LRBA: variants seen among roughly 807,000 people sequenced by gnomAD.
LRBA encodes LPS responsive beige-like anchor protein, also known as lipopolysaccharide-responsive and beige-like anchor protein.
Under a neutral mutation model 330.0 loss-of-function variants are expected in LRBA, and 176 were observed. The ratio of observed to expected loss-of-function variants is 0.53; its 90% CI spans 0.47 to 0.60. The LOEUF (loss-of-function observed/expected upper bound fraction) is 0.60, where lower values mean the gene tolerates loss of function less well. Among genes scored for constraint, LRBA ranks in the 20% least tolerant of loss-of-function variants. The pLI is 0.00. For missense variants in LRBA, 3,259 were observed against 3,444.8 expected (o/e 0.95, Z 1.35); for synonymous variants, 1,230 against 1,193.0 (o/e 1.03, Z -0.64).
intron 48 of LRBA, among the ~76,000 whole-genome samples, chr4:150,335,858 G>A (rs1440347325): frequency 6.6e-6 from 1 of 151,964 alleles, no homozygotes; most frequent in Non-Finnish European, 1.5e-5. Flanking sequence ...CACCATGCCT[G>A]GCTGATTTTT....
At chr4:150,638,796 G>A (rs575966016) in intron 37 of LRBA, among the ~76,000 whole-genome samples, 54 of 116,332 alleles carry the variant, frequency 4.6e-4, no homozygotes, top group African/African-American at 1.5e-3. Flanking sequence ...TCAGTGTGGC[G>A]ATTCCTCAGG....
intron 47 of LRBA, among the ~76,000 whole-genome samples, chr4:150,384,406 G>A (rs1742755816): frequency 1.3e-5 from 2 of 152,126 alleles, no homozygotes; most frequent in Admixed American, 1.3e-4. Flanking sequence ...TTTCTAAAGA[G>A]ATTTAAATTC....
chr4:150,688,550 A>C (rs1416570034), intron 36 of LRBA, among the ~76,000 whole-genome samples: 1 of 152,240 alleles, frequency 6.6e-6, no homozygotes, highest in Non-Finnish European at 1.5e-5. Flanking sequence ...TTTCCAATCT[A>C]TCCATCTGAC....
Position 150,808,227 on chromosome 4 carries a change from G to T in LRBA, c.5384+93C>A, listed in dbSNP as rs1364528593. The T allele has an allele frequency of 2.2e-5, 17 of 777,440 alleles. No homozygotes were observed. In the Middle Eastern group the frequency reaches 1.1e-3, roughly 52 times the overall value. The allele number at this position is 777,440 out of a possible 1,614,324, so 48.2% of individuals were successfully genotyped here. Reference sequence around the variant, plus strand: ...ATATGTTGAAAGAAAGAAATGAAATGAAATGAAATGAAACGAAGTAAAATA... The same window carrying T: ...ATATGTTGAAAGAAAGAAATGAAATTAAATGAAATGAAACGAAGTAAAATA... On this transcript the variant is annotated intron_variant, in intron 32 of 56. Coordinates refer to ENST00000651943, the MANE Select transcript of LRBA (RefSeq NM_001364905.1).
At chr4:150,342,593 C>T (rs2127018422) in intron 48 of LRBA, among the ~76,000 whole-genome samples, 1 of 152,268 alleles carries the variant, frequency 6.6e-6, no homozygotes, top group South Asian at 2.1e-4. Context: ...GGCTGTTTCT[C>T]TGATTACTCT....
chr4:150,361,382 C>T (rs1309934121), intron 47 of LRBA, among the ~76,000 whole-genome samples: 1 of 151,990 alleles, frequency 6.6e-6, no homozygotes, highest in Middle Eastern at 3.2e-3. Flanking sequence ...GTTTCCTTAC[C>T]TCCCTTTCAC....
At chr4:150,427,378 C>T (rs371081123) in intron 46 of LRBA, among the ~76,000 whole-genome samples, 48 of 152,038 alleles carry the variant, frequency 3.2e-4, no homozygotes, top group African/African-American at 1.1e-3. Context: ...ATTGTAGACA[C>T]GAGTACAAAC....
intron 36 of LRBA, among the ~76,000 whole-genome samples, chr4:150,696,002 CA>C (rs1784583540): frequency 6.6e-6 from 1 of 152,046 alleles, no homozygotes; most frequent in South Asian, 2.1e-4. Flanking sequence ...TCGAGGCCAG[CA>C]AATCCCTTGA....
intron 22 of LRBA, among the ~76,000 whole-genome samples, chr4:150,862,674 A>C (rs1752108635): frequency 1.2e-5 from 1 of 83,000 alleles, no homozygotes; most frequent in South Asian, 3.9e-4. Flanking sequence ...CTTAAAGTAT[A>C]ATTTAAAAAA....
intron 50 of LRBA, among the ~76,000 whole-genome samples, chr4:150,316,597 T>G (rs1399526749): frequency 1.3e-5 from 2 of 152,166 alleles, no homozygotes; most frequent in Non-Finnish European, 2.9e-5. Flanking sequence ...CTGCTCAGTA[T>G]CTACTTTTTA....
chr4:150,902,785 C>T (rs1386098170), intron 13 of LRBA, among the ~76,000 whole-genome samples: 1 of 152,190 alleles, frequency 6.6e-6, no homozygotes, highest in Non-Finnish European at 1.5e-5. Flanking sequence ...TGGACACTCT[C>T]CACGGATAAC....
chr4:150,775,584 A>C (rs1042872119), intron 34 of LRBA, among the ~76,000 whole-genome samples: 4 of 151,864 alleles, frequency 2.6e-5, no homozygotes, highest in African/African-American at 9.7e-5. Flanking sequence ...CTTCCTATAG[A>C]TCTAAAGGAC....
intron 2 of LRBA, among the ~76,000 whole-genome samples, chr4:150,996,416 G>A (rs941269024): frequency 1.3e-5 from 2 of 152,138 alleles, no homozygotes; most frequent in South Asian, 4.1e-4. Flanking sequence ...AGTAATACAG[G>A]TTAAGAATAA....
Position 150,666,700 on chromosome 4 carries a change from G to C in LRBA, c.5921+16851C>G, listed in dbSNP as rs746709510. Among the ~76,000 whole-genome samples the C allele has an allele frequency of 2.0e-5, 3 of 152,056 alleles. No homozygotes were observed. In the South Asian group the frequency reaches 6.2e-4, roughly 32 times the overall value. ...CATCTGTGGATTTTGGTATTCATGC[G>C]GGCCCTGCAACCAATTCTCTGTGGA... On this transcript the variant is annotated intron_variant, in intron 37 of 56. Transcript: ENST00000651943.
At chr4:150,657,502 T>A (rs1007805825) in intron 37 of LRBA, among the ~76,000 whole-genome samples, 5 of 152,150 alleles carry the variant, frequency 3.3e-5, no homozygotes, top group Middle Eastern at 7.0e-3. Context: ...TTAATTTCCA[T>A]AGAAACATGG....
intron 36 of LRBA, among the ~76,000 whole-genome samples, chr4:150,707,058 C>T (rs1785698762): frequency 6.6e-6 from 1 of 151,532 alleles, no homozygotes; most frequent in Non-Finnish European, 1.5e-5. Context: ...AATATGCTAG[C>T]ATTCATACAA....
intron 56 of LRBA, 149 bp downstream of exon 56, chr4:150,277,703 TG>T: frequency 1.3e-6 from 1 of 777,376 alleles, no homozygotes; most frequent in Non-Finnish European, 2.1e-6. Context: ...GGTCTTGCAA[TG>T]TTGCCCAGGC....
chr4:150,852,917 G>A lies in LRBA; in HGVS notation c.2793C>T (p.Asn931=), dbSNP rs200887286. The change falls in exon 23 of 57, where the codon AAC becomes AAT. Residue 931 remains asparagine (N), a synonymous_variant. Coordinates refer to ENST00000651943, the MANE Select transcript of LRBA (RefSeq NM_001364905.1). The part of the protein sequence containing the change: ...SKVTFEIHKE[N]LANIFREQQG... ...GCTGTTCCCTAAATATATTGGCAAG[G>A]TTTTCTTTGTGTATTTCAAAAGTGA... The A allele has an allele frequency of 6.3e-7, 1 of 1,578,844 alleles. No individual in the cohort carries two copies. Among genetic ancestry groups the A allele is most frequent in the African/African-American group, 1.4e-5 (1 of 73,518 alleles).
chr4:150,889,752 G>A (rs936696877), intron 17 of LRBA, among the ~76,000 whole-genome samples: 2 of 152,114 alleles, frequency 1.3e-5, no homozygotes, highest in Admixed American at 1.3e-4. Flanking sequence ...CTCTGTTTTA[G>A]AATTTATGGG....
Sources: gnomAD v4.1 joint callset for allele counts (sites outside exome capture counted in the v4.1 genomes callset) on GRCh38, gnomAD v4.1.1 for gene constraint, MANE v1.5 for transcripts, NCBI Gene and HGNC (gene_info 2026-07-23, HGNC 2026-07-21) for gene names.